The following CUX1 variants were observed in gnomAD, a reference collection of about 807,000 sequenced individuals.
CUX1 encodes the protein cut like homeobox 1.
In CUX1, 31 loss-of-function variants were observed where a neutral mutation model predicts 158.8. The observed-to-expected ratio is 0.20, with a 90% CI of 0.15 to 0.26. CUX1 has a LOEUF of 0.26. CUX1 is among the 10% of genes least tolerant of loss of function. The pLI is 1.00. For synonymous variants in CUX1, 879 were observed against 862.1 expected (o/e 1.02, Z -0.34); for missense variants, 1,589 against 2,014.6 (o/e 0.79, Z 4.04).
intron 3 of CUX1, among the ~76,000 whole-genome samples, chr7:102,049,782 G>A (rs1415601543): frequency 2.0e-5 from 3 of 152,162 alleles, no homozygotes; most frequent in Admixed American, 6.6e-5. Flanking sequence ...AGGAATGACC[G>A]CAGGCCTGCC....
intron 3 of CUX1, among the ~76,000 whole-genome samples, chr7:102,058,367 G>A (rs1824396840): frequency 6.6e-6 from 1 of 152,136 alleles, no homozygotes; most frequent in Admixed American, 6.6e-5. Context: ...TCCACCTCCA[G>A]GGTTCAAGCG....
At chr7:101,973,215 T>C (rs1331987957) in intron 2 of CUX1, among the ~76,000 whole-genome samples, 1 of 152,132 alleles carries the variant, frequency 6.6e-6, no homozygotes, top group Admixed American at 6.5e-5. Flanking sequence ...AGATTTTTCT[T>C]GTAGATTTTG....
intron 4 of CUX1, among the ~76,000 whole-genome samples, chr7:102,072,075 T>C (rs759583600): frequency 6.6e-6 from 1 of 152,158 alleles, no homozygotes; most frequent in Non-Finnish European, 1.5e-5. Context: ...CTGGAGGGTG[T>C]CCAGGTTCTT....
At chr7:101,990,634 C>T (rs1473810412) in intron 2 of CUX1, among the ~76,000 whole-genome samples, 3 of 152,038 alleles carry the variant, frequency 2.0e-5, no homozygotes, top group Admixed American at 6.6e-5. Context: ...ACCTCGGCCT[C>T]CCAAAGTGCT....
chr7:102,180,163 C>T (rs542129813), intron 11 of CUX1, among the ~76,000 whole-genome samples: 80 of 152,148 alleles, frequency 5.3e-4, no homozygotes, highest in Admixed American at 9.8e-4. Flanking sequence ...AACTGAACTA[C>T]AGTCACGCGC....
chr7:102,236,358 C>G (rs922313669), intron 22 of CUX1, among the ~76,000 whole-genome samples: 1 of 149,086 alleles, frequency 6.7e-6, no homozygotes, highest in African/African-American at 2.6e-5. Flanking sequence ...GGCCATGCCT[C>G]TTGGGCAGCC....
At chr7:102,167,577 A>G (rs1791190555) in intron 9 of CUX1, among the ~76,000 whole-genome samples, 1 of 152,246 alleles carries the variant, frequency 6.6e-6, no homozygotes. Flanking sequence ...TAGGTTTTCT[A>G]GCCCAAGAGA....
rs111708027 is a variant in CUX1, at chr7:101,958,924, G to T, written c.141+42699G>T. ...AGCTGGACTCCAGTGGTACAGTCGTGGCTCACTGCAGCCTCGACCTCCCTG... is the reference window on the plus strand; with the variant it reads ...AGCTGGACTCCAGTGGTACAGTCGTTGCTCACTGCAGCCTCGACCTCCCTG... On this transcript the variant is annotated intron_variant, in intron 2 of 23. Transcript: ENST00000292535. Among the ~76,000 whole-genome samples the T allele has an allele frequency of 1.0e-4, 14 of 138,730 alleles. 3 individuals are homozygous for T. Among genetic ancestry groups the T allele is most frequent in the African/African-American group, 3.0e-4 (11 of 36,942 alleles). 91.0% of individuals were successfully genotyped at this position (138,730 alleles called of 152,430 possible). A position where few individuals can be genotyped will look rare whatever the true frequency, so the allele number is the denominator to read the frequency against.
intron 8 of CUX1, among the ~76,000 whole-genome samples, chr7:102,144,062 G>T (rs185108891): frequency 6.6e-6 from 1 of 151,932 alleles, no homozygotes; most frequent in Admixed American, 6.6e-5. Context: ...GATTACAGGC[G>T]TGAGCCACTG....
chr7:102,114,364 C>T (rs1052954607), intron 7 of CUX1, among the ~76,000 whole-genome samples: 35 of 152,166 alleles, frequency 2.3e-4, no homozygotes, highest in Non-Finnish European at 1.3e-4. Context: ...CAACCTGCAT[C>T]TCCAGGGTTC....
At chr7:101,983,434 C>T (rs767899441) in intron 2 of CUX1, among the ~76,000 whole-genome samples, 2 of 152,302 alleles carry the variant, frequency 1.3e-5, no homozygotes, top group East Asian at 1.9e-4. Context: ...TTCCTCTGTG[C>T]CCACCCTGGG....
At chr7:102,273,339 G>A (rs782680153) in intron 14 of CUX1, 11 of 1,607,002 alleles carry the variant, frequency 6.8e-6, no homozygotes, top group Non-Finnish European at 9.3e-6. Context: ...GGCTCCCTCT[G>A]ACGGCCATGT....
chr7:101,847,695 C>A (rs1465230401), intron 1 of CUX1, among the ~76,000 whole-genome samples: 1 of 151,918 alleles, frequency 6.6e-6, no homozygotes, highest in Non-Finnish European at 1.5e-5. Context: ...CCTCTGGCCT[C>A]AGCCTCCCAA....
At chr7:102,283,903 G>C (rs1243538328) in exon 23 of CUX1, 1 of 152,312 alleles carries the variant, frequency 6.6e-6, no homozygotes, top group Non-Finnish European at 1.5e-5. Context: ...TCCTGAGTTA[G>C]ATTTGTAGTT....
rs1299198476 is a variant in CUX1, at chr7:102,253,851, T to C, written c.*4809T>C. 1 of 985,728 alleles carries C rather than the reference T, an allele frequency of 1.0e-6. No homozygotes were observed. The highest frequency in any genetic ancestry group is 1.2e-6 in the Non-Finnish European group (1 of 830,260). 61.1% of individuals were successfully genotyped at this position (985,728 alleles called of 1,614,324 possible). A position where few individuals can be genotyped will look rare whatever the true frequency, so the allele number is the denominator to read the frequency against. The stretch of plus-strand genomic sequence containing the variant: ...TGCTGTGGTACTTTAGGCTGGAGGT[T>C]TGGCTCCTGTGCTGCCGGTGGGGGG... On this transcript the variant is annotated 3_prime_UTR_variant, in exon 24 of 24. Transcript: ENST00000292535.
intron 2 of CUX1, among the ~76,000 whole-genome samples, chr7:102,011,815 A>T (rs1389074816): frequency 6.6e-6 from 1 of 152,020 alleles, no homozygotes; most frequent in Non-Finnish European, 1.5e-5. Flanking sequence ...TATCTTACTT[A>T]GACACTTGAA....
intron 6 of CUX1, among the ~76,000 whole-genome samples, chr7:102,106,749 C>G (rs1333377989): frequency 6.6e-6 from 1 of 152,176 alleles, no homozygotes; most frequent in East Asian, 1.9e-4. Context: ...CTCACGAGAC[C>G]AGTCACAGAG....
chr7:102,048,417 G>A (rs1823083963), intron 3 of CUX1, among the ~76,000 whole-genome samples: 2 of 152,238 alleles, frequency 1.3e-5, no homozygotes, highest in African/African-American at 2.4e-5. Flanking sequence ...AGACCGAACA[G>A]GGTCACTCGG....
At chr7:102,064,594 G>A (rs1825329608) in intron 3 of CUX1, among the ~76,000 whole-genome samples, 1 of 152,222 alleles carries the variant, frequency 6.6e-6, no homozygotes, top group African/African-American at 2.4e-5. Context: ...GGGTGTGTGG[G>A]GGGCATGAAG....
Sources: allele counts gnomAD v4.1 joint callset (sites outside exome capture counted in the v4.1 genomes callset), GRCh38; gene constraint gnomAD v4.1.1; transcripts MANE v1.5; gene names NCBI Gene and HGNC (gene_info 2026-07-23, HGNC 2026-07-21).